RPA3: variants seen among roughly 807,000 people sequenced by gnomAD.
RPA3 encodes the protein replication protein A3, also known as replication protein A 14 kDa subunit.
A neutral mutation model predicts 13.7 loss-of-function variants in RPA3; 24 were observed. The ratio of observed to expected loss-of-function variants is 1.75; its 90% CI spans 1.27 to 2.46. The LOEUF is 2.46. RPA3 is among the 30% of genes most tolerant of loss of function. The pLI is 0.00. For missense variants in RPA3, 183 were observed against 151.0 expected, an observed-to-expected ratio of 1.21 and a Z score of -1.11; for synonymous variants, 59 against 51.2, an observed-to-expected ratio of 1.15 and a Z score of -0.65.
intron 4 of RPA3, among the ~76,000 whole-genome samples, chr7:7,673,098 C>T (rs1187305968): frequency 1.3e-5 from 2 of 152,184 alleles, no homozygotes; most frequent in South Asian, 4.1e-4. Flanking sequence ...AGAGGTTGCA[C>T]TGTGAACTTC....
chr7:7,707,621 G>T (rs1780638645), intron 2 of RPA3, among the ~76,000 whole-genome samples: 1 of 152,072 alleles, frequency 6.6e-6, no homozygotes, highest in Non-Finnish European at 1.5e-5. Flanking sequence ...AATAATAAAA[G>T]ACTAAATGAT....
chr7:7,695,585 C>T (rs904022748), intron 2 of RPA3, among the ~76,000 whole-genome samples: 1 of 152,156 alleles, frequency 6.6e-6, no homozygotes, highest in African/African-American at 2.4e-5. Context: ...TTGGCACTAG[C>T]AGCCGTAACA....
intron 6 of RPA3, chr7:7,638,210 T>C: frequency 2.7e-6 from 1 of 369,566 alleles, no homozygotes; most frequent in East Asian, 4.9e-5. Context: ...ACAATTCAAG[T>C]TAAAGACAAA....
intron 2 of RPA3, among the ~76,000 whole-genome samples, chr7:7,711,581 T>G (rs1303243497): frequency 1.3e-5 from 2 of 152,182 alleles, no homozygotes; most frequent in Non-Finnish European, 2.9e-5. Flanking sequence ...TGTTTTTAAT[T>G]TACATTTTCT....
intron 2 of RPA3, chr7:7,689,580 A>T (rs377569897): frequency 2.0e-5 from 3 of 152,126 alleles, no homozygotes; most frequent in African/African-American, 4.8e-5. Context: ...ATCTCCCTGG[A>T]TAATCTTTTC....
intron 4 of RPA3, among the ~76,000 whole-genome samples, chr7:7,652,832 T>A (rs1019797136): frequency 2.0e-5 from 3 of 152,230 alleles, no homozygotes; most frequent in African/African-American, 7.2e-5. Context: ...CAGGCTATAT[T>A]GAAAGTCAAA....
At chr7:7,647,332 TG>T (rs1785120163) in intron 4 of RPA3, among the ~76,000 whole-genome samples, 1 of 152,210 alleles carries the variant, frequency 6.6e-6, no homozygotes, top group Non-Finnish European at 1.5e-5. Context: ...TCTGAGGGTA[TG>T]GTTTGTCTAA....
At chr7:7,715,875 C>A (rs1235529890) in intron 1 of RPA3, among the ~76,000 whole-genome samples, 1 of 152,094 alleles carries the variant, frequency 6.6e-6, no homozygotes, top group African/African-American at 2.4e-5. Flanking sequence ...TAGCATAGAG[C>A]AAAATTTACA....
At chr7:7,638,817 T>C (rs1434250028) in intron 6 of RPA3, 4 of 345,894 alleles carry the variant, frequency 1.2e-5, no homozygotes, top group African/African-American at 6.3e-5. Context: ...TGGTCTTTCA[T>C]AAGGAATGAG....
At chr7:7,698,911 C>G (rs995610267) in intron 2 of RPA3, among the ~76,000 whole-genome samples, 7 of 150,558 alleles carry the variant, frequency 4.6e-5, no homozygotes, top group African/African-American at 1.7e-4. Flanking sequence ...CCCTGTTGCC[C>G]AGGTCTGATA....
chr7:7,648,692 A>T (rs1204889886), intron 4 of RPA3, among the ~76,000 whole-genome samples: 1 of 151,492 alleles, frequency 6.6e-6, no homozygotes, highest in Admixed American at 6.6e-5. Flanking sequence ...CTCTACAAAA[A>T]ATACAAAAAT....
intron 1 of RPA3, among the ~76,000 whole-genome samples, chr7:7,715,658 C>A (rs1215024913): frequency 6.6e-6 from 1 of 152,012 alleles, no homozygotes; most frequent in African/African-American, 2.4e-5. Flanking sequence ...TAAAGATCCA[C>A]AAATTTCCAG....
Position 7,685,973 on chromosome 7 carries a change from T to G in RPA3, c.-901A>C, listed in dbSNP as rs1780033658. 1 of 152,180 alleles carries G rather than the reference T, an allele frequency of 6.6e-6. No individual in the cohort carries two copies. The highest frequency in any genetic ancestry group is 2.4e-5 in the African/African-American group (1 of 41,446). The allele number at this position is 152,180 out of a possible 1,614,324, so 9.4% of individuals were successfully genotyped here. A position where few individuals can be genotyped will look rare whatever the true frequency, so the allele number is the denominator to read the frequency against. Reference sequence around the variant, plus strand: ...TGCTCTCCTGCTTGGTTAGGGATGCTCCAGATTCCTGGGCCTTGCCCACAC... The same window carrying G: ...TGCTCTCCTGCTTGGTTAGGGATGCGCCAGATTCCTGGGCCTTGCCCACAC... On this transcript the variant is annotated 5_prime_UTR_variant, in exon 4 of 8. Coordinates refer to ENST00000223129, the MANE Select transcript of RPA3 (RefSeq NM_002947.5).
At chr7:7,665,891 G>A (rs1309269177) in intron 4 of RPA3, among the ~76,000 whole-genome samples, 3 of 148,916 alleles carry the variant, frequency 2.0e-5, no homozygotes, top group Admixed American at 6.7e-5. Flanking sequence ...TTTTACTACC[G>A]AATGGGATGC....
At chr7:7,647,581 C>T (rs1486979467) in intron 4 of RPA3, among the ~76,000 whole-genome samples, 2 of 152,100 alleles carry the variant, frequency 1.3e-5, no homozygotes, top group African/African-American at 2.4e-5. Flanking sequence ...TCAAATTTCT[C>T]CTTGAAGCCC....
At chr7:7,683,177 T>G (rs988931192) in intron 4 of RPA3, among the ~76,000 whole-genome samples, 6 of 152,208 alleles carry the variant, frequency 3.9e-5, no homozygotes, top group Non-Finnish European at 7.3e-5. Flanking sequence ...TTTCGGGGAC[T>G]CAGTGGATTT....
intron 2 of RPA3, among the ~76,000 whole-genome samples, chr7:7,709,176 G>T (rs1780685733): frequency 6.6e-6 from 1 of 152,160 alleles, no homozygotes; most frequent in Non-Finnish European, 1.5e-5. Context: ...GTTTGAAATT[G>T]ACTGTCTTTG....
chr7:7,652,276 C>T (rs1248156936), intron 4 of RPA3, among the ~76,000 whole-genome samples: 6 of 152,072 alleles, frequency 3.9e-5, no homozygotes, highest in Admixed American at 3.3e-4. Flanking sequence ...TACTCTTGGT[C>T]GATTGTACTT....
At chr7:7,659,326 T>C (rs1172457095) in intron 4 of RPA3, among the ~76,000 whole-genome samples, 2 of 152,176 alleles carry the variant, frequency 1.3e-5, no homozygotes, top group African/African-American at 4.8e-5. Flanking sequence ...CTGATCTTAG[T>C]TATTTCTTGT....
Sources: gnomAD v4.1 joint callset for allele counts (sites outside exome capture counted in the v4.1 genomes callset) on GRCh38, gnomAD v4.1.1 for gene constraint, MANE v1.5 for transcripts, NCBI Gene and HGNC (gene_info 2026-07-23, HGNC 2026-07-21) for gene names.